METRNL: variants seen among roughly 807,000 people sequenced by gnomAD.
METRNL encodes meteorin like, glial cell differentiation regulator.
METRNL carries 9 observed loss-of-function variants against 17.4 expected under a neutral mutation model. The observed-to-expected ratio is 0.52, with a 90% CI of 0.31 to 0.90. The LOEUF is 0.90. Among genes scored for constraint, METRNL ranks in the 40% least tolerant of loss-of-function variants. The probability of loss-of-function intolerance (pLI) is 0.05; values close to 1 mark genes in which losing one functional copy is unlikely to be tolerated. For missense variants in METRNL, 408 were observed against 430.7 expected (o/e 0.95, Z 0.47); for synonymous variants, 215 against 199.3 (o/e 1.08, Z -0.66).
chr17:83,089,788 G>C (rs1260156567), intron 2 of METRNL, among the ~76,000 whole-genome samples: 2 of 152,184 alleles, frequency 1.3e-5, no homozygotes, highest in African/African-American at 2.4e-5. Flanking sequence ...CCGTGAAGGT[G>C]ACTTCTGCTT....
intron 1 of METRNL, 45 bp downstream of exon 1, chr17:83,080,030 G>C: frequency 1.0e-6 from 1 of 997,120 alleles, no homozygotes; most frequent in Non-Finnish European, 1.2e-6. Context: ...CTCCCCTCGC[G>C]TCCCCTCCCG....
intron 1 of METRNL, among the ~76,000 whole-genome samples, chr17:83,080,762 G>A (rs897339584): frequency 6.6e-6 from 1 of 150,830 alleles, no homozygotes; most frequent in Non-Finnish European, 1.5e-5. Flanking sequence ...CGCCAGTTCC[G>A]GGGTTCGCAG....
intron 2 of METRNL, among the ~76,000 whole-genome samples, chr17:83,085,774 C>T (rs957134807): frequency 1.3e-5 from 2 of 152,198 alleles, no homozygotes; most frequent in African/African-American, 2.4e-5. Flanking sequence ...GCTTGTGGAT[C>T]GTGTAGCACC....
rs563148283 is a variant in METRNL, at chr17:83,093,207, C to T, written c.597C>T (p.Ala199=). 1.4e-5 allele frequency: 22 copies of T among 1,608,378 alleles called. No individual in the cohort carries two copies. The highest frequency in any genetic ancestry group is 6.7e-5 in the Admixed American group (4 of 60,016). Reference sequence around the variant, plus strand: ...GCAGTGACACCGAGGTGCTCCTAGCCGTCTGCACCAGCGACTTCGGTGAGT... The same window carrying T: ...GCAGTGACACCGAGGTGCTCCTAGCTGTCTGCACCAGCGACTTCGGTGAGT... The part of the protein sequence containing the change: ...RPCSDTEVLL[A]VCTSDFAVRG... Residue 199 remains alanine (A), a synonymous_variant, in exon 3 of 4, where the codon GCC becomes GCT. Coordinates refer to ENST00000320095, the MANE Select transcript of METRNL (RefSeq NM_001004431.3).
At chr17:83,090,213 G>C (rs1600491173) in intron 2 of METRNL, among the ~76,000 whole-genome samples, 1 of 32,350 alleles carries the variant, frequency 3.1e-5, no homozygotes, top group African/African-American at 8.5e-5. Context: ...CCCCCGCCCC[G>C]CCCCAGGGTG....
rs1050960608 is a variant in METRNL at position 83,081,667 on chromosome 17, C to A, written c.170+1682C>A. Among the ~76,000 whole-genome samples the A allele has an allele frequency of 4.0e-4, 59 of 148,632 alleles. 1 individual carries two copies. The Middle Eastern group carries it at 0.01, about 26-fold the overall frequency. ...TCAGACTCCCCAGAGGGGACCCCCC[C>A]ACACACACACACAGGGGACCCCCCC... On this transcript the variant is annotated intron_variant, in intron 1 of 3. Coordinates refer to ENST00000320095, the MANE Select transcript of METRNL (RefSeq NM_001004431.3).
In METRNL at chr17:83,094,287, C is replaced by G; in HGVS notation, c.648C>G (p.His216Gln). ...GAGGCTCCATCCAGCAAGTTACCCA[C>G]GAGCCTGAGCGGCAGGACTCAGCCA... Reference protein sequence around the residue: ...AVRGSIQQVTHEPERQDSAIH... With the variant: ...AVRGSIQQVTQEPERQDSAIH... Residue 216 changes from histidine (H) to glutamine (Q), a missense_variant, in exon 4 of 4, where the codon CAC (histidine) becomes CAG (glutamine). Physicochemically the swap from His to Gln is conservative, Grantham distance 24 (BLOSUM62 0). Coordinates refer to ENST00000320095, the MANE Select transcript of METRNL (RefSeq NM_001004431.3). 1.3e-6 allele frequency: 2 copies of G among 1,584,610 alleles called. No individual in the cohort carries two copies.
Position 83,079,926 on chromosome 17 carries a change from CG to C in METRNL, c.114del (p.Leu39CysfsTer21). 2 of 1,006,348 alleles carry C rather than the reference CG, an allele frequency of 2.0e-6. No homozygotes were observed. The highest frequency in any genetic ancestry group is 2.4e-6 in the Non-Finnish European group (2 of 845,634). The allele number at this position is 1,006,348 out of a possible 1,614,324, so 62.3% of individuals were successfully genotyped here. A position where few individuals can be genotyped will look rare whatever the true frequency, so the allele number is the denominator to read the frequency against. The stretch of plus-strand genomic sequence containing the variant: ...TCCCGCTGCTGCTCCTGCTCCTGGC[CG>C]GGCTGCTGGGCGGCGCGGGCGCGCA... ...PLPLLLLLLA[G>X]LLGGAGAQYS... On this transcript the variant is annotated frameshift_variant, in exon 1 of 4. Transcript: ENST00000320095. LOFTEE classifies it high-confidence loss of function.
intron 1 of METRNL, among the ~76,000 whole-genome samples, chr17:83,080,938 G>T (rs1291590745): frequency 6.6e-6 from 1 of 151,452 alleles, no homozygotes; most frequent in Non-Finnish European, 1.5e-5. Flanking sequence ...AGAAGGTCGG[G>T]GCAGAGCCGG....
Position 83,085,280 on chromosome 17 carries a change from G to A in METRNL, c.513G>A (p.Glu171=). Residue 171 remains glutamate, a synonymous_variant, in exon 2 of 4, where the codon GAG becomes GAA. Coordinates refer to ENST00000320095, the MANE Select transcript of METRNL (RefSeq NM_001004431.3). The part of the protein sequence containing the change: ...IGRRTTGFQY[E]LVRRHRASDL... ...GGAGGACCACAGGCTTCCAGTACGA[G>A]CTGGTTAGGAGGCACAGGGCGTCGG... 2 of 1,554,592 alleles carry A rather than the reference G, an allele frequency of 1.3e-6. No individual in the cohort carries two copies. The highest frequency in any genetic ancestry group is 2.3e-5 in the East Asian group (1 of 44,330).
chr17:83,091,264 G>C (rs551317583), intron 2 of METRNL, among the ~76,000 whole-genome samples: 1 of 89,092 alleles, frequency 1.1e-5, no homozygotes, highest in African/African-American at 3.0e-5. Context: ...TCAGCAGGCT[G>C]TGCAGTTTCT....
rs533735221 is a variant in METRNL at position 83,080,857 on chromosome 17, G to GGCCCCC, written c.170+894_170+899dup. Among the ~76,000 whole-genome samples, 827 of 150,652 alleles carry GGCCCCC rather than the reference G, an allele frequency of 5.5e-3. 22 individuals carry two copies. In the South Asian group the frequency reaches 0.074, roughly 13 times the overall value. On this transcript the variant is annotated intron_variant, in intron 1 of 3. Coordinates refer to ENST00000320095, the MANE Select transcript of METRNL (RefSeq NM_001004431.3). ...CCTGGGTCCCGCTTCCCCTCGGCGC[G>GGCCCCC]GCCCCCGCCCCCGCCCCCGCCCCCG...
Position 83,079,674 on chromosome 17 carries a change from G to A in METRNL, c.-142G>A, listed in dbSNP as rs866481241. 1 of 201,018 alleles carries A rather than the reference G, an allele frequency of 5.0e-6. No homozygotes were observed. Among genetic ancestry groups the A allele is most frequent in the Non-Finnish European group, 8.6e-6 (1 of 115,916 alleles). 12.5% of individuals were successfully genotyped at this position (201,018 alleles called of 1,614,324 possible). A position where few individuals can be genotyped will look rare whatever the true frequency, so the allele number is the denominator to read the frequency against. On this transcript the variant is annotated 5_prime_UTR_variant, in exon 1 of 4. Transcript: ENST00000320095. The stretch of plus-strand genomic sequence containing the variant: ...GGCTCCAGCGGGCCGGGATGGGCGG[G>A]CGGCCGCGCGGAGGACGCGGGGGGC...
chr17:83,090,035 G>C (rs934912525), intron 2 of METRNL, among the ~76,000 whole-genome samples: 3 of 152,020 alleles, frequency 2.0e-5, no homozygotes, highest in African/African-American at 7.3e-5. Context: ...GACTCACAGA[G>C]GGCGAAGTGC....
intron 2 of METRNL, 135 bp downstream of exon 2, chr17:83,085,458 A>T (rs2038042161): frequency 8.1e-7 from 1 of 1,238,038 alleles, no homozygotes; most frequent in Non-Finnish European, 1.1e-6. Flanking sequence ...TGTGCTTCGG[A>T]CATGACTGTT....
chr17:83,088,774 C>T (rs893590234), intron 2 of METRNL, among the ~76,000 whole-genome samples: 3 of 152,086 alleles, frequency 2.0e-5, no homozygotes, highest in Non-Finnish European at 4.4e-5. Context: ...GGGCGCAGAG[C>T]CCCTGCCGAT....
intron 3 of METRNL, among the ~76,000 whole-genome samples, chr17:83,093,577 C>T (rs2038166409): frequency 6.6e-6 from 1 of 152,248 alleles, no homozygotes; most frequent in African/African-American, 2.4e-5. Context: ...ATCAGCAGCC[C>T]AGAGCATCCT....
intron 1 of METRNL, among the ~76,000 whole-genome samples, chr17:83,081,146 C>T (rs906237715): frequency 2.0e-5 from 3 of 151,802 alleles, no homozygotes; most frequent in Non-Finnish European, 2.9e-5. Flanking sequence ...GGCCGCCTCC[C>T]TTCTCGGCCG....
chr17:83,082,219 G>A (rs2037998245), intron 1 of METRNL: 2 of 985,434 alleles, frequency 2.0e-6, no homozygotes, highest in Middle Eastern at 5.2e-4. Flanking sequence ...CACCTGGTTC[G>A]TCTCTCCTGC....
Sources: gnomAD v4.1 joint callset for allele counts (sites outside exome capture counted in the v4.1 genomes callset) on GRCh38, gnomAD v4.1.1 for gene constraint, MANE v1.5 for transcripts, NCBI Gene and HGNC (gene_info 2026-07-23, HGNC 2026-07-21) for gene names.